CSGALNACT1: variants seen among roughly 807,000 people sequenced by gnomAD.
CSGALNACT1 encodes beta4GalNAcT-1.
Under a neutral mutation model 51.0 loss-of-function variants are expected in CSGALNACT1, and 52 were observed. The observed-to-expected ratio is 1.02, with a 90% CI of 0.82 to 1.29. The LOEUF (loss-of-function observed/expected upper bound fraction) is 1.29, where lower values mean the gene tolerates loss of function less well. Ranked by LOEUF, CSGALNACT1 falls within the 50% of genes most tolerant of loss-of-function variation. The probability of loss-of-function intolerance (pLI) is 0.00; values close to 1 mark genes in which losing one functional copy is unlikely to be tolerated. For synonymous variants in CSGALNACT1, 341 were observed against 254.4 expected, an observed-to-expected ratio of 1.34 and a Z score of -3.24; for missense variants, 935 against 679.2, an observed-to-expected ratio of 1.38 and a Z score of -4.19.
intron 3 of CSGALNACT1, among the ~76,000 whole-genome samples, chr8:19,530,830 A>G (rs1307659411): frequency 6.6e-6 from 1 of 152,232 alleles, no homozygotes; most frequent in African/African-American, 2.4e-5. Flanking sequence ...CTGGTGAGGA[A>G]AAAAGAGTCA....
intron 3 of CSGALNACT1, among the ~76,000 whole-genome samples, chr8:19,520,477 C>G (rs1307955103): frequency 6.6e-6 from 1 of 152,232 alleles, no homozygotes; most frequent in Non-Finnish European, 1.5e-5. Context: ...GCGCCTGCCG[C>G]CAATCCTATC....
At chr8:19,656,619 C>T (rs1239673900) in intron 1 of CSGALNACT1, among the ~76,000 whole-genome samples, 2 of 125,164 alleles carry the variant, frequency 1.6e-5, no homozygotes, top group East Asian at 5.0e-4. Context: ...CACACGAGAT[C>T]AGCAAAGACT....
chr8:19,541,551 CA>C (rs2085143108), intron 3 of CSGALNACT1, among the ~76,000 whole-genome samples: 1 of 78,648 alleles, frequency 1.3e-5, no homozygotes, highest in East Asian at 3.2e-4. Context: ...CGTGCTCAGC[CA>C]ATTTTTTTTT....
chr8:19,630,935 T>G (rs2055165472), intron 1 of CSGALNACT1, among the ~76,000 whole-genome samples: 1 of 152,208 alleles, frequency 6.6e-6, no homozygotes, highest in African/African-American at 2.4e-5. Flanking sequence ...GTTTGGTACA[T>G]TTGTTACAAC....
chr8:19,670,672 A>AAAG (rs2059731827), intron 1 of CSGALNACT1, among the ~76,000 whole-genome samples: 4 of 144,206 alleles, frequency 2.8e-5, no homozygotes, highest in East Asian at 1.9e-4. Context: ...AAAAAAAAAA[A>AAAG]AGAGAAAATA....
chr8:19,653,908 G>A (rs1219954024), intron 1 of CSGALNACT1, among the ~76,000 whole-genome samples: 1 of 152,092 alleles, frequency 6.6e-6, no homozygotes, highest in African/African-American at 2.4e-5. Flanking sequence ...AAGTATAGGA[G>A]GATGACTATA....
upstream of CSGALNACT1, among the ~76,000 whole-genome samples, chr8:19,602,947 AT>A (rs369171334): frequency 3.7e-3 from 561 of 151,674 alleles, 6 homozygotes; most frequent in African/African-American, 0.013. Flanking sequence ...AACAGCAAAT[AT>A]CCATCTATAT....
At chr8:19,436,121 A>T (rs2060331224) in intron 6 of CSGALNACT1, among the ~76,000 whole-genome samples, 2 of 152,228 alleles carry the variant, frequency 1.3e-5, no homozygotes, top group African/African-American at 4.8e-5. Context: ...AACTAGGGAG[A>T]GAGAGTGTGA....
chr8:19,653,644 A>G (rs1042269115), intron 1 of CSGALNACT1, among the ~76,000 whole-genome samples: 11 of 152,072 alleles, frequency 7.2e-5, no homozygotes, highest in African/African-American at 2.7e-4. Flanking sequence ...AAGTTAAAAA[A>G]ATTTGTGGGT....
chr8:19,472,138 T>A (rs1238428737), intron 4 of CSGALNACT1, among the ~76,000 whole-genome samples: 1 of 152,134 alleles, frequency 6.6e-6, no homozygotes, highest in Non-Finnish European at 1.5e-5. Context: ...GAGGCAAAGA[T>A]ATTAGGGAGT....
intron 3 of CSGALNACT1, among the ~76,000 whole-genome samples, chr8:19,522,577 G>A (rs2080940046): frequency 6.6e-6 from 1 of 152,144 alleles, no homozygotes; most frequent in Non-Finnish European, 1.5e-5. Flanking sequence ...TAGGTCTGGG[G>A]ACAATAGATT....
At chr8:19,647,120 C>T (rs529133251) in intron 1 of CSGALNACT1, among the ~76,000 whole-genome samples, 1 of 152,242 alleles carries the variant, frequency 6.6e-6, no homozygotes, top group Admixed American at 6.5e-5. Context: ...TTCTGAAGGA[C>T]TGAAGCAGCT....
intron 1 of CSGALNACT1, among the ~76,000 whole-genome samples, chr8:19,661,782 A>C (rs1233133745): frequency 6.6e-6 from 1 of 152,208 alleles, no homozygotes; most frequent in Non-Finnish European, 1.5e-5. Context: ...AGCTGCTTAC[A>C]GATGTGCCAC....
chr8:19,527,071 C>T (rs2154045966), intron 3 of CSGALNACT1, among the ~76,000 whole-genome samples: 1 of 152,222 alleles, frequency 6.6e-6, no homozygotes, highest in East Asian at 1.9e-4. Context: ...AGGTAAAGCT[C>T]ACGATATCAA....
upstream of CSGALNACT1, chr8:19,682,704 A>T (rs1209280426): frequency 2.2e-6 from 1 of 454,004 alleles, no homozygotes; most frequent in African/African-American, 2.0e-5. Flanking sequence ...ACCTCCGTGC[A>T]ATTCGGGGCC....
At position 19,432,613 on chromosome 8, in the gene CSGALNACT1, C is replaced by A. The variant is rs1412149816; in HGVS notation, c.953+7217G>T. ...CTCAGGTTTGTTCATTTTCTTCATT[C>A]TTTTTTCTGTTTTTTTCTGAGACTG... On this transcript the variant is annotated intron_variant, in intron 6 of 9. Coordinates refer to ENST00000454498, the Ensembl canonical transcript of CSGALNACT1. Among the ~76,000 whole-genome samples, 4 of 151,574 alleles carry A rather than the reference C, an allele frequency of 2.6e-5. 1 individual carries two copies. The South Asian group carries it at 6.2e-4, about 24-fold the overall frequency.
chr8:19,605,652 G>A (rs1482648545), upstream of CSGALNACT1, among the ~76,000 whole-genome samples: 1 of 152,112 alleles, frequency 6.6e-6, no homozygotes, highest in African/African-American at 2.4e-5. Context: ...GAGAGCGGCT[G>A]AGAAACCATC....
intron 3 of CSGALNACT1, among the ~76,000 whole-genome samples, chr8:19,556,528 T>C (rs978497875): frequency 2.0e-5 from 3 of 152,194 alleles, no homozygotes; most frequent in Admixed American, 1.3e-4. Context: ...TCAGAGTCAA[T>C]ATTCAGTGTC....
intron 1 of CSGALNACT1, among the ~76,000 whole-genome samples, chr8:19,608,913 G>A (rs1217036098): frequency 2.0e-5 from 3 of 152,104 alleles, no homozygotes; most frequent in Non-Finnish European, 2.9e-5. Flanking sequence ...TATGATGAAG[G>A]TAGACAGTCA....
Sources: gnomAD v4.1 joint callset for allele counts (sites outside exome capture counted in the v4.1 genomes callset) on GRCh38, gnomAD v4.1.1 for gene constraint, MANE v1.5 for transcripts, NCBI Gene and HGNC (gene_info 2026-07-23, HGNC 2026-07-21) for gene names.